Variants in CCDC7 observed in about 807,000 individuals in gnomAD.
CCDC7 encodes the protein coiled-coil domain-containing protein 7.
In CCDC7, 183 loss-of-function variants were observed where a neutral mutation model predicts 196.9. The ratio of observed to expected loss-of-function variants is 0.93; its 90% confidence interval spans 0.82 to 1.05. The LOEUF is 1.05. Among genes scored for constraint, CCDC7 ranks in the 50% least tolerant of loss-of-function variants. CCDC7 has a pLI of 0.00. For synonymous variants in CCDC7, 525 were observed against 484.6 expected, an observed-to-expected ratio of 1.08 and a Z score of -1.10; for missense variants, 1,540 against 1,482.2, an observed-to-expected ratio of 1.04 and a Z score of -0.64.
At chr10:32,784,665 G>T (rs1260768984) in intron 29 of CCDC7, among the ~76,000 whole-genome samples, 1 of 149,686 alleles carries the variant, frequency 6.7e-6, no homozygotes, top group Non-Finnish European at 1.5e-5. Context: ...TTCGCCTCCC[G>T]GATTCAAGCG....
At chr10:32,674,556 C>T (rs761025346) in intron 21 of CCDC7, among the ~76,000 whole-genome samples, 10 of 151,688 alleles carry the variant, frequency 6.6e-5, no homozygotes, top group African/African-American at 1.2e-4. Context: ...GTGTGTATTC[C>T]GCTGCTTTTG....
chr10:32,517,584 C>T (rs988755260), intron 9 of CCDC7, among the ~76,000 whole-genome samples: 29 of 120,342 alleles, frequency 2.4e-4, no homozygotes, highest in African/African-American at 9.7e-4. Flanking sequence ...CACATGGACA[C>T]AGGAAGGGGA....
intron 9 of CCDC7, chr10:32,511,271 G>GGGA (rs55937550): frequency 1.9e-5 from 13 of 672,010 alleles, no homozygotes; most frequent in Non-Finnish European, 1.4e-5. Context: ...CGGGGGGGGC[G>GGGA]GGGAAATGTA....
intron 16 of CCDC7, chr10:32,574,277 T>C: frequency 2.6e-6 from 1 of 389,714 alleles, no homozygotes. Flanking sequence ...TTTATAGAAT[T>C]GCACTTAATA....
chr10:32,789,596 T>C (rs1339154520), intron 29 of CCDC7, among the ~76,000 whole-genome samples: 3 of 148,376 alleles, frequency 2.0e-5, no homozygotes, highest in Non-Finnish European at 4.5e-5. Context: ...TATGGGACAC[T>C]GCTATAGTTT....
At chr10:32,486,508 A>G (rs900454735) in intron 8 of CCDC7, among the ~76,000 whole-genome samples, 1 of 137,644 alleles carries the variant, frequency 7.3e-6, no homozygotes, top group Admixed American at 7.7e-5. Context: ...TTTAAGGTTA[A>G]TATTGTTATG....
chr10:32,528,650 G>GTA (rs35667060), intron 11 of CCDC7, among the ~76,000 whole-genome samples: 68,993 of 133,128 alleles, frequency 0.52, 20,184 homozygotes, highest in Non-Finnish European at 0.68. Flanking sequence ...GTGTGTGTGT[G>GTA]TATATATATA....
intron 20 of CCDC7, among the ~76,000 whole-genome samples, chr10:32,663,654 A>G (rs2072002153): frequency 6.6e-6 from 1 of 152,124 alleles, no homozygotes; most frequent in Admixed American, 6.6e-5. Context: ...AAATTATAAT[A>G]TATACCTTTT....
intron 11 of CCDC7, among the ~76,000 whole-genome samples, chr10:32,530,257 CT>C (rs1030448368): frequency 6.6e-6 from 1 of 152,038 alleles, no homozygotes; most frequent in Non-Finnish European, 1.5e-5. Flanking sequence ...TATGTGGGCT[CT>C]TTTTTCATTC....
intron 28 of CCDC7, among the ~76,000 whole-genome samples, chr10:32,760,512 GCATATT>G (rs2077278446): frequency 1.3e-5 from 2 of 151,942 alleles, no homozygotes; most frequent in Admixed American, 1.3e-4. Flanking sequence ...ACCAAACACC[GCATATT>G]CTCACTCATA....
intron 9 of CCDC7, among the ~76,000 whole-genome samples, chr10:32,503,755 G>A (rs2044432253): frequency 6.6e-6 from 1 of 152,088 alleles, no homozygotes; most frequent in African/African-American, 2.4e-5. Flanking sequence ...AGGAAGTCTT[G>A]GGCATTTCTT....
chr10:32,515,993 A>G lies in CCDC7; in HGVS notation c.873-1952A>G, dbSNP rs576853303. ...TCTTAAATATGACATCAGAAGTACA[A>G]TCAACAAAAGAAAAAGTTAGATCAA... On this transcript the variant is annotated intron_variant, in intron 9 of 41. Coordinates refer to ENST00000639629, the Ensembl canonical transcript of CCDC7. Among the ~76,000 whole-genome samples the G allele has an allele frequency of 1.3e-3, 201 of 152,284 alleles. 1 individual carries two copies. Among genetic ancestry groups the G allele is most frequent in the African/African-American group, 4.5e-3 (189 of 41,552 alleles).
chr10:32,876,487 C>A, downstream of CCDC7: 1 of 1,217,178 alleles, frequency 8.2e-7, no homozygotes, highest in Non-Finnish European at 1.2e-6. Flanking sequence ...GAAAATAATA[C>A]TGACTCGTGT....
intron 21 of CCDC7, among the ~76,000 whole-genome samples, chr10:32,670,273 C>T (rs1172631489): frequency 6.6e-6 from 1 of 152,036 alleles, no homozygotes; most frequent in Non-Finnish European, 1.5e-5. Flanking sequence ...TACCGAACTC[C>T]CCAGTCAACA....
rs1329868263 is a variant in CCDC7, at chr10:32,461,689, ATATGTGTG to A, written c.457-992_457-985del. 8.3e-3 allele frequency among the ~76,000 whole-genome samples: 470 copies of A among 56,904 alleles called. 3 individuals are homozygous for A. The highest frequency in any genetic ancestry group is 0.025 in the African/African-American group (444 of 17,434). 37.3% of individuals were successfully genotyped at this position (56,904 alleles called of 152,430 possible). ...GGAATTTAAATTTTATTCCTTACAT[ATATGTGTG>A]TGTGTGTGTGTGTATATATATATAT... On this transcript the variant is annotated intron_variant, in intron 3 of 41. Transcript: ENST00000639629.
intron 13 of CCDC7, among the ~76,000 whole-genome samples, chr10:32,550,335 T>C (rs2053261395): frequency 6.6e-6 from 1 of 151,878 alleles, no homozygotes; most frequent in South Asian, 2.1e-4. Context: ...GTTTTCAAGG[T>C]AAATGATTGT....
intron 9 of CCDC7, among the ~76,000 whole-genome samples, chr10:32,514,821 A>G (rs1310867631): frequency 6.6e-6 from 1 of 152,084 alleles, no homozygotes; most frequent in African/African-American, 2.4e-5. Context: ...GTTAAACTTA[A>G]TATTTTTTAT....
chr10:32,462,801 A>T, intron 4 of CCDC7, 98 bp downstream of exon 5: 7 of 1,290,012 alleles, frequency 5.4e-6, no homozygotes, highest in Non-Finnish European at 7.4e-6. Context: ...AGTAGAAGGA[A>T]TTCCATACTT....
chr10:32,845,166 A>T, intron 33 of CCDC7, 77 bp from the exon 35 acceptor site: 2 of 797,478 alleles, frequency 2.5e-6, no homozygotes, highest in Non-Finnish European at 3.9e-6. Context: ...ATCCTCCTAT[A>T]ATTAAACACA....
Sources: allele counts gnomAD v4.1 joint callset (sites outside exome capture counted in the v4.1 genomes callset), GRCh38; gene constraint gnomAD v4.1.1; transcripts MANE v1.5; gene names NCBI Gene and HGNC (gene_info 2026-07-23, HGNC 2026-07-21).